Variants in SNX1 observed in about 807,000 individuals in gnomAD.
SNX1 encodes the protein sorting nexin 1.
A neutral mutation model predicts 71.8 loss-of-function variants in SNX1; 36 were observed. The observed-to-expected ratio is 0.50, with a 90% CI of 0.38 to 0.66. The LOEUF is 0.66. Ranked by LOEUF, SNX1 falls within the 30% of genes least tolerant of loss-of-function variation. SNX1 has a pLI of 0.00. For missense variants in SNX1, 612 were observed against 646.7 expected (o/e 0.95, Z 0.58); for synonymous variants, 254 against 240.7 (o/e 1.06, Z -0.51).
chr15:64,109,113 G>C (rs1440940697), intron 1 of SNX1, among the ~76,000 whole-genome samples: 1 of 152,110 alleles, frequency 6.6e-6, no homozygotes, highest in Non-Finnish European at 1.5e-5. Flanking sequence ...GCTCATGTCT[G>C]TAATCCCAGC....
Position 64,138,127 on chromosome 15 carries a change from A to G in SNX1, c.*509A>G, listed in dbSNP as rs1162533087. On this transcript the variant is annotated 3_prime_UTR_variant, in exon 15 of 15. Transcript: ENST00000559844. Reference sequence around the variant, plus strand: ...AGTAAGTTTTTCTCTACCGTTCACAAGTTTTGTGCTGCTGCTTCCCTCTGG... The same window carrying G: ...AGTAAGTTTTTCTCTACCGTTCACAGGTTTTGTGCTGCTGCTTCCCTCTGG... 6.5e-7 allele frequency: 1 copy of G among 1,535,790 alleles called. No homozygotes were observed. The highest frequency in any genetic ancestry group is 8.7e-7 in the Non-Finnish European group (1 of 1,146,896).
At chr15:64,124,027 G>A (rs370136097) in intron 5 of SNX1, among the ~76,000 whole-genome samples, 2 of 151,494 alleles carry the variant, frequency 1.3e-5, no homozygotes, top group African/African-American at 4.9e-5. Flanking sequence ...CTTACCACTA[G>A]TCTTAAAGTT....
chr15:64,112,638 T>C lies in SNX1; in HGVS notation c.225T>C (p.Asn75=). ...LLPINNGSKE[N]GIHEEQDQEP... Reference sequence around the variant, plus strand: ...CCATCAACAATGGCTCCAAAGAAAATGGGATCCATGAAGAACAAGACCAAG... The same window carrying C: ...CCATCAACAATGGCTCCAAAGAAAACGGGATCCATGAAGAACAAGACCAAG... Residue 75 remains asparagine, a synonymous_variant, in exon 2 of 15, where the codon AAT becomes AAC. Transcript: ENST00000559844. 1 of 1,613,042 alleles carries C rather than the reference T, an allele frequency of 6.2e-7. No homozygotes were observed. Among genetic ancestry groups the C allele is most frequent in the South Asian group, 1.1e-5 (1 of 90,968 alleles).
intron 11 of SNX1, chr15:64,132,390 G>A (rs921984214): frequency 6.0e-6 from 1 of 165,494 alleles, no homozygotes; most frequent in African/African-American, 2.4e-5. Context: ...GCATGGAGGA[G>A]TGCGGCCAGG....
intron 1 of SNX1, among the ~76,000 whole-genome samples, chr15:64,111,870 C>T (rs924015318): frequency 1.3e-5 from 2 of 152,270 alleles, no homozygotes; most frequent in South Asian, 2.1e-4. Flanking sequence ...ACTCTGGTAC[C>T]GGTCTGGGGA....
chr15:64,114,870 G>A (rs1030402422), intron 2 of SNX1, among the ~76,000 whole-genome samples: 1 of 152,116 alleles, frequency 6.6e-6, no homozygotes, highest in Non-Finnish European at 1.5e-5. Context: ...GGCCAGGCAC[G>A]GTGGCTCAGG....
At chr15:64,096,268 G>T (rs1172736908) in intron 1 of SNX1, 96 bp downstream of exon 1, 5 of 1,404,284 alleles carry the variant, frequency 3.6e-6, no homozygotes, top group Non-Finnish European at 4.8e-6. Context: ...AGTGGGCCCG[G>T]TGAGACCTTG....
At chr15:64,109,766 C>CCAAA (rs1296362472) in intron 1 of SNX1, among the ~76,000 whole-genome samples, 3 of 152,124 alleles carry the variant, frequency 2.0e-5, no homozygotes, top group Non-Finnish European at 4.4e-5. Context: ...CCTCTGCCTC[C>CCAAA]CAAAGGTTGT....
intron 5 of SNX1, 129 bp downstream of exon 5, chr15:64,123,675 G>A: frequency 1.4e-6 from 1 of 734,586 alleles, no homozygotes; most frequent in Non-Finnish European, 2.3e-6. Context: ...ACTCAAGATA[G>A]AGCAAGCCTG....
chr15:64,107,921 C>T (rs1359184016), intron 1 of SNX1, among the ~76,000 whole-genome samples: 1 of 152,138 alleles, frequency 6.6e-6, no homozygotes, highest in Non-Finnish European at 1.5e-5. Context: ...TGGCCGGGCG[C>T]AGTGGCTCAC....
At chr15:64,124,475 C>G (rs2081229531) in intron 5 of SNX1, among the ~76,000 whole-genome samples, 1 of 148,080 alleles carries the variant, frequency 6.8e-6, no homozygotes, top group Admixed American at 6.7e-5. Context: ...CCACTGCACT[C>G]CAGCCTGGGC....
chr15:64,132,345 G>A, intron 11 of SNX1: 1 of 191,960 alleles, frequency 5.2e-6, no homozygotes, highest in South Asian at 9.7e-5. Flanking sequence ...TCCAGTATGG[G>A]CAGTCAGGTA....
chr15:64,119,329 C>G (rs1252717051), intron 4 of SNX1, among the ~76,000 whole-genome samples: 6 of 152,022 alleles, frequency 3.9e-5, no homozygotes, highest in Admixed American at 1.3e-4. Context: ...GCTATGTTGC[C>G]CAGGCTGGTC....
At chr15:64,124,826 T>A (rs968415618) in intron 5 of SNX1, among the ~76,000 whole-genome samples, 1 of 152,210 alleles carries the variant, frequency 6.6e-6, no homozygotes, top group Non-Finnish European at 1.5e-5. Flanking sequence ...TGTACCAATT[T>A]GTACCCCATC....
chr15:64,136,516 G>A, intron 13 of SNX1, 106 bp downstream of exon 13: 1 of 994,810 alleles, frequency 1.0e-6, no homozygotes, highest in Non-Finnish European at 1.6e-6. Context: ...CCAGTAACTT[G>A]GCAGTTCTCG....
At chr15:64,114,380 A>T (rs1244293015) in intron 2 of SNX1, among the ~76,000 whole-genome samples, 1 of 152,260 alleles carries the variant, frequency 6.6e-6, no homozygotes. Context: ...GGGATTGAAG[A>T]CAAAGTCAAA....
At chr15:64,130,126 T>A (rs2140156705) in intron 9 of SNX1, 97 bp downstream of exon 9, 3 of 1,471,614 alleles carry the variant, frequency 2.0e-6, no homozygotes, top group Admixed American at 1.8e-5. Flanking sequence ...GAAACTTTTT[T>A]ATAAGATTTT....
intron 7 of SNX1, 57 bp from the exon 8 acceptor site, chr15:64,127,674 G>A (rs77575592): frequency 1.3e-4 from 170 of 1,309,162 alleles, no homozygotes; most frequent in Non-Finnish European, 1.7e-4. Flanking sequence ...ACTGTGTGAC[G>A]CCCAGAACCT....
At position 64,138,170 on chromosome 15, in the gene SNX1, C is replaced by T. The variant is rs1365302986; in HGVS notation, c.*552C>T. The T allele has an allele frequency of 5.2e-6, 8 of 1,535,474 alleles. No homozygotes were observed. Among genetic ancestry groups the T allele is most frequent in the Non-Finnish European group, 7.0e-6 (8 of 1,146,836 alleles). On this transcript the variant is annotated 3_prime_UTR_variant, in exon 15 of 15. Coordinates refer to ENST00000559844, the MANE Select transcript of SNX1 (RefSeq NM_003099.5). ...CCCTCTGGAAATGGGGTTTCTTTCTCTCCGCCTACCTCAGCTACCTGTTCT... is the reference window on the plus strand; with the variant it reads ...CCCTCTGGAAATGGGGTTTCTTTCTTTCCGCCTACCTCAGCTACCTGTTCT...
Sources: allele counts gnomAD v4.1 joint callset (sites outside exome capture counted in the v4.1 genomes callset), GRCh38; gene constraint gnomAD v4.1.1; transcripts MANE v1.5; gene names NCBI Gene and HGNC (gene_info 2026-07-23, HGNC 2026-07-21).